TRABD2A: variants seen among roughly 807,000 people sequenced by gnomAD.
The protein encoded by TRABD2A is TraB domain containing 2A.
TRABD2A carries 43 observed loss-of-function variants against 45.6 expected under a neutral mutation model. That is an observed-to-expected ratio of 0.94 (90% CI 0.74 to 1.22). The LOEUF (loss-of-function observed/expected upper bound fraction) is 1.22. TRABD2A is among the 50% of genes most tolerant of loss of function. The probability of loss-of-function intolerance (pLI) is 0.00; values close to 1 mark genes in which losing one functional copy is unlikely to be tolerated. For missense variants in TRABD2A, 642 were observed against 652.4 expected, an observed-to-expected ratio of 0.98 and a Z score of 0.17; for synonymous variants, 269 against 265.0, an observed-to-expected ratio of 1.02 and a Z score of -0.15.
Position 84,870,246 on chromosome 2 carries a change from C to G in TRABD2A, c.648G>C (p.Leu216Phe). 1 of 1,612,092 alleles carries G rather than the reference C, an allele frequency of 6.2e-7. No individual in the cohort carries two copies. The highest frequency in any genetic ancestry group is 1.1e-5 in the South Asian group (1 of 90,956). The change falls in exon 2 of 7, where the codon TTG (leucine) becomes TTC (phenylalanine). Residue 216 changes from leucine to phenylalanine, a missense_variant. Transcript: ENST00000409520. ...VEKVEEQCHP[L>F]NGLNFSQVIF... ...TTACCTGTGAAAAGTTCAACCCATT[C>G]AATGGATGGCACTGCTCTTCCACCT...
In TRABD2A at chr2:84,870,181, T is replaced by C. The variant is rs765144378; in HGVS notation, c.669+44A>G. ...CCCTGAAACTCAACAGATTCACCCA[T>C]ACAACCAAATGCCACTAAGTCTTTT... On this transcript the variant is annotated intron_variant, in intron 2 of 6. Transcript: ENST00000409520. The C allele has an allele frequency of 3.9e-6, 6 of 1,546,184 alleles. No homozygotes were observed. In the Admixed American group the frequency reaches 9.0e-5, roughly 23 times the overall value.
chr2:84,848,754 T>C (rs1325376150), intron 2 of TRABD2A, among the ~76,000 whole-genome samples: 1 of 151,878 alleles, frequency 6.6e-6, no homozygotes, highest in Non-Finnish European at 1.5e-5. Flanking sequence ...TTTGTAATTC[T>C]GTAGAGACGG....
At chr2:84,859,393 G>C (rs1293447721) in intron 2 of TRABD2A, among the ~76,000 whole-genome samples, 1 of 152,220 alleles carries the variant, frequency 6.6e-6, no homozygotes, top group Non-Finnish European at 1.5e-5. Flanking sequence ...AAAAGTGGGG[G>C]TAAATCAAGA....
chr2:84,832,211 C>T, intron 4 of TRABD2A, 66 bp from the exon 5 acceptor site: 1 of 1,540,622 alleles, frequency 6.5e-7, no homozygotes. Context: ...TCCCCAAACA[C>T]ACACCCTAGA....
At chr2:84,858,379 A>AT (rs1682386316) in intron 2 of TRABD2A, among the ~76,000 whole-genome samples, 1 of 152,194 alleles carries the variant, frequency 6.6e-6, no homozygotes, top group Non-Finnish European at 1.5e-5. Flanking sequence ...CTTTTGGCCC[A>AT]TTCAGAATAG....
chr2:84,823,996 G>GGAGT lies in TRABD2A; in HGVS notation c.1290_1291insACTC (p.Arg431ThrfsTer17). On this transcript the variant is annotated frameshift_variant, in exon 6 of 7. Coordinates refer to ENST00000409520, the MANE Select transcript of TRABD2A (RefSeq NM_001277053.2). LOFTEE classifies it low-confidence loss of function (END_TRUNC). Reference sequence around the variant, plus strand: ...CACAGATCGCTGAATTGCCGGAGTCGCGGCCTCCGCTGTGACCGCCTCCGC... The same window carrying GGAGT: ...CACAGATCGCTGAATTGCCGGAGTCGGAGTCGGCCTCCGCTGTGACCGCCTCCGC... 6.2e-7 allele frequency: 1 copy of GGAGT among 1,613,834 alleles called. No homozygotes were observed. The highest frequency in any genetic ancestry group is 8.5e-7 in the Non-Finnish European group (1 of 1,179,862).
At chr2:84,850,881 T>G (rs571985827) in intron 2 of TRABD2A, 1 of 152,426 alleles carries the variant, frequency 6.6e-6, no homozygotes, top group South Asian at 2.1e-4. Context: ...ATCATGCTGC[T>G]GGCCTGACCA....
chr2:84,847,901 C>T (rs1490316255), intron 2 of TRABD2A, among the ~76,000 whole-genome samples: 1 of 152,206 alleles, frequency 6.6e-6, no homozygotes. Flanking sequence ...CCAGGCCTCT[C>T]TCCTAGCTTC....
intron 2 of TRABD2A, among the ~76,000 whole-genome samples, chr2:84,857,972 C>A (rs990165296): frequency 1.3e-5 from 2 of 152,194 alleles, no homozygotes; most frequent in African/African-American, 4.8e-5. Flanking sequence ...AACTTGTGGG[C>A]CCAAGTGATC....
At chr2:84,876,076 CG>C (rs1194118540) in intron 1 of TRABD2A, among the ~76,000 whole-genome samples, 2 of 151,220 alleles carry the variant, frequency 1.3e-5, no homozygotes, top group African/African-American at 4.9e-5. Flanking sequence ...TGGAGAAGGA[CG>C]GGGGTGAAAC....
At chr2:84,848,463 C>T (rs1195791444) in intron 2 of TRABD2A, among the ~76,000 whole-genome samples, 1 of 150,698 alleles carries the variant, frequency 6.6e-6, no homozygotes, top group Non-Finnish European at 1.5e-5. Flanking sequence ...AAAACTCAAA[C>T]AAAGGCTTTA....
rs531910708 is a variant in TRABD2A at position 84,840,832 on chromosome 2, T to C, written c.816+1029A>G. Among the ~76,000 whole-genome samples, 168 of 152,326 alleles carry C rather than the reference T, an allele frequency of 1.1e-3. 1 individual carries two copies. Among genetic ancestry groups the C allele is most frequent in the Non-Finnish European group, 5.0e-4 (34 of 68,034 alleles). On this transcript the variant is annotated intron_variant, in intron 3 of 6. Coordinates refer to ENST00000409520, the MANE Select transcript of TRABD2A (RefSeq NM_001277053.2). Reference sequence around the variant, plus strand: ...ACTTTGTCTCAATTTGACTTTTTTTTCCTCTAGATTTTTGGGGATGCTCCT... The same window carrying C: ...ACTTTGTCTCAATTTGACTTTTTTTCCCTCTAGATTTTTGGGGATGCTCCT...
intron 2 of TRABD2A, among the ~76,000 whole-genome samples, chr2:84,842,822 C>A (rs989582110): frequency 2.0e-5 from 3 of 152,060 alleles, no homozygotes; most frequent in South Asian, 2.1e-4. Flanking sequence ...ATGTGGGTCT[C>A]CTTGATGGGG....
chr2:84,877,072 C>G (rs972618861), intron 1 of TRABD2A, among the ~76,000 whole-genome samples: 2 of 152,168 alleles, frequency 1.3e-5, no homozygotes, highest in African/African-American at 4.8e-5. Context: ...AAAGGGCACC[C>G]GGATTCCCAC....
intron 2 of TRABD2A, among the ~76,000 whole-genome samples, chr2:84,859,530 T>C (rs186142301): frequency 1.6e-4 from 24 of 152,276 alleles, no homozygotes; most frequent in African/African-American, 5.3e-4. Context: ...TGGAAGCAAA[T>C]GAATAACTTC....
intron 4 of TRABD2A, 52 bp downstream of exon 4, chr2:84,839,097 T>C: frequency 1.2e-6 from 2 of 1,601,994 alleles, no homozygotes; most frequent in Non-Finnish European, 1.7e-6. Flanking sequence ...CATTCCCTTC[T>C]TGGGAGAAGC....
intron 4 of TRABD2A, chr2:84,837,225 C>A (rs1022086092): frequency 6.6e-6 from 1 of 152,080 alleles, no homozygotes; most frequent in African/African-American, 2.4e-5. Flanking sequence ...AACTCCTGAC[C>A]TCAGGTGACC....
rs892519800 is a variant in TRABD2A, at chr2:84,822,015, G to T, written c.1420C>A (p.His474Asn). 8 of 1,597,548 alleles carry T rather than the reference G, an allele frequency of 5.0e-6. No individual in the cohort carries two copies. Among genetic ancestry groups the T allele is most frequent in the Non-Finnish European group, 6.8e-6 (8 of 1,172,306 alleles). Residue 474 changes from histidine to asparagine, a missense_variant, in exon 7 of 7, where the codon CAC (histidine) becomes AAC (asparagine). Coordinates refer to ENST00000409520, the MANE Select transcript of TRABD2A (RefSeq NM_001277053.2). Reference sequence around the variant, plus strand: ...GCACTGCTGGCCACCATCTGGCTGTGGTGGGAATGCCCACGGCGAGGGAGC... The same window carrying T: ...GCACTGCTGGCCACCATCTGGCTGTTGTGGGAATGCCCACGGCGAGGGAGC... ...LRLPRRGHSHHSQMVASSACL... is the reference protein window; with the variant it reads ...LRLPRRGHSHNSQMVASSACL...
intron 4 of TRABD2A, chr2:84,838,278 T>C: frequency 1.4e-6 from 1 of 717,172 alleles, no homozygotes; most frequent in Non-Finnish European, 2.6e-6. Flanking sequence ...CAAGTTAAAA[T>C]GCCACAAAGC....
Sources: allele counts gnomAD v4.1 joint callset (sites outside exome capture counted in the v4.1 genomes callset), GRCh38; gene constraint gnomAD v4.1.1; transcripts MANE v1.5; gene names NCBI Gene and HGNC (gene_info 2026-07-23, HGNC 2026-07-21).